Variants in SMYD3 observed in about 807,000 individuals in gnomAD.
The protein encoded by SMYD3 is histone-lysine N-methyltransferase SMYD3.
A neutral mutation model predicts 57.7 loss-of-function variants in SMYD3; 36 were observed. That is an observed-to-expected ratio of 0.62 (90% CI 0.48 to 0.82). The LOEUF is 0.82. Among genes scored for constraint, SMYD3 ranks in the 40% least tolerant of loss-of-function variants. The probability of loss-of-function intolerance (pLI) is 0.00; values close to 1 mark genes in which losing one functional copy is unlikely to be tolerated. For missense variants in SMYD3, 515 were observed against 538.8 expected, an observed-to-expected ratio of 0.96 and a Z score of 0.44; for synonymous variants, 211 against 195.0, an observed-to-expected ratio of 1.08 and a Z score of -0.68.
intron 5 of SMYD3, among the ~76,000 whole-genome samples, chr1:245,970,852 G>A (rs1362501576): frequency 6.6e-6 from 1 of 152,192 alleles, no homozygotes; most frequent in African/African-American, 2.4e-5. Flanking sequence ...ACTGGTGGGA[G>A]TGTAAATTAG....
chr1:246,095,845 C>A (rs1254738221), intron 5 of SMYD3, among the ~76,000 whole-genome samples: 1 of 152,136 alleles, frequency 6.6e-6, no homozygotes, highest in East Asian at 1.9e-4. Flanking sequence ...CATTACACCC[C>A]AGCCTAAGCA....
intron 5 of SMYD3, among the ~76,000 whole-genome samples, chr1:245,978,948 C>T (rs10802305): frequency 0.27 from 41,731 of 152,058 alleles, 6,328 homozygotes; most frequent in East Asian, 0.63. Context: ...ACAGCCTAAT[C>T]TGAGGTATCT....
intron 5 of SMYD3, among the ~76,000 whole-genome samples, chr1:246,298,773 G>C (rs915812156): frequency 1.3e-5 from 2 of 151,930 alleles, no homozygotes; most frequent in South Asian, 4.1e-4. Context: ...GGTCTGCCTA[G>C]AACTGTCATG....
At position 246,330,956 on chromosome 1, in the gene SMYD3, G is replaced by A. The variant is rs867903116; in HGVS notation, c.337-419C>T. 4.6e-5 allele frequency among the ~76,000 whole-genome samples: 7 copies of A among 152,178 alleles called. No homozygotes were observed. The East Asian group carries it at 5.8e-4, about 13-fold the overall frequency. On this transcript the variant is annotated intron_variant, in intron 3 of 11. Transcript: ENST00000490107. ...TCAAGGCCAGCCTGGGCAACATGGC[G>A]AAACCCTATGCCTAAAAAACATACA...
intron 5 of SMYD3, among the ~76,000 whole-genome samples, chr1:245,950,730 C>T (rs1018326343): frequency 1.3e-5 from 2 of 152,340 alleles, no homozygotes. Context: ...CAAATGTGGC[C>T]ATACTCTGGA....
chr1:245,765,707 A>G (rs946456457), intron 10 of SMYD3, among the ~76,000 whole-genome samples: 2 of 152,136 alleles, frequency 1.3e-5, no homozygotes, highest in African/African-American at 4.8e-5. Flanking sequence ...GCATATCCCA[A>G]CCGTCAGAGA....
At chr1:245,971,613 A>C (rs1241240730) in intron 5 of SMYD3, among the ~76,000 whole-genome samples, 5 of 152,166 alleles carry the variant, frequency 3.3e-5, no homozygotes, top group Admixed American at 3.3e-4. Flanking sequence ...TCTCTGAAAC[A>C]TCCCCACTAA....
At chr1:246,268,402 T>C (rs1454770915) in intron 5 of SMYD3, among the ~76,000 whole-genome samples, 1 of 152,028 alleles carries the variant, frequency 6.6e-6, no homozygotes, top group Non-Finnish European at 1.5e-5. Flanking sequence ...GTTTAGCATA[T>C]CATTAGGAAA....
intron 5 of SMYD3, among the ~76,000 whole-genome samples, chr1:246,195,881 T>C (rs1321127320): frequency 1.3e-5 from 2 of 152,178 alleles, no homozygotes; most frequent in Non-Finnish European, 2.9e-5. Context: ...AGAGCCTTTG[T>C]CAATACCAGC....
chr1:245,838,048 C>T (rs1039898058), intron 10 of SMYD3, among the ~76,000 whole-genome samples: 2 of 151,836 alleles, frequency 1.3e-5, no homozygotes, highest in Non-Finnish European at 2.9e-5. Flanking sequence ...TTCCATTCCC[C>T]TTAGGTCCTA....
chr1:245,867,124 C>T (rs1005626814), intron 8 of SMYD3, among the ~76,000 whole-genome samples: 4 of 152,170 alleles, frequency 2.6e-5, no homozygotes, highest in East Asian at 3.9e-4. Context: ...GAGAGTATCC[C>T]GGACTTTCCA....
intron 5 of SMYD3, among the ~76,000 whole-genome samples, chr1:245,964,786 A>G (rs966442058): frequency 2.5e-4 from 38 of 150,538 alleles, no homozygotes; most frequent in Non-Finnish European, 5.6e-4. Context: ...AGCAAAGAGA[A>G]CAAAGATTGT....
intron 5 of SMYD3, among the ~76,000 whole-genome samples, chr1:246,004,066 T>C (rs2059128919): frequency 1.7e-5 from 1 of 57,362 alleles, no homozygotes; most frequent in African/African-American, 3.3e-5. Context: ...TTCTCAAGCC[T>C]GTCTCCTATC....
intron 10 of SMYD3, among the ~76,000 whole-genome samples, chr1:245,829,949 T>C (rs1446614862): frequency 6.6e-6 from 1 of 152,104 alleles, no homozygotes; most frequent in African/African-American, 2.4e-5. Context: ...AATGGTTATC[T>C]AGGGACTGGG....
intron 3 of SMYD3, among the ~76,000 whole-genome samples, chr1:246,331,713 C>G (rs547953203): frequency 6.6e-6 from 1 of 152,378 alleles, no homozygotes; most frequent in African/African-American, 2.4e-5. Context: ...AGACATTGCA[C>G]TGAAGATTTA....
At chr1:245,797,425 G>A (rs1360024446) in intron 10 of SMYD3, among the ~76,000 whole-genome samples, 1 of 134,392 alleles carries the variant, frequency 7.4e-6, no homozygotes, top group Non-Finnish European at 1.5e-5. Context: ...CTATCACAAG[G>A]ACAAAAAACC....
At chr1:245,803,449 C>A (rs2047970976) in intron 10 of SMYD3, among the ~76,000 whole-genome samples, 1 of 151,608 alleles carries the variant, frequency 6.6e-6, no homozygotes, top group Non-Finnish European at 1.5e-5. Flanking sequence ...TTTCACAGGT[C>A]AACAATGGTG....
chr1:246,370,374 G>A (rs1017527893), intron 1 of SMYD3, among the ~76,000 whole-genome samples: 4 of 152,206 alleles, frequency 2.6e-5, no homozygotes, highest in African/African-American at 9.6e-5. Context: ...TGAAGGAAAT[G>A]TCACTTTCTG....
chr1:246,485,507 T>C (rs2068171901), intron 1 of SMYD3, among the ~76,000 whole-genome samples: 1 of 152,178 alleles, frequency 6.6e-6, no homozygotes, highest in Non-Finnish European at 1.5e-5. Context: ...TCTAGCCAGA[T>C]GCGGCGGCTC....
Sources: gnomAD v4.1 joint callset for allele counts (sites outside exome capture counted in the v4.1 genomes callset) on GRCh38, gnomAD v4.1.1 for gene constraint, MANE v1.5 for transcripts, NCBI Gene and HGNC (gene_info 2026-07-23, HGNC 2026-07-21) for gene names.